SLC6A5: variants seen among roughly 807,000 people sequenced by gnomAD.
SLC6A5 encodes the protein sodium- and chloride-dependent glycine transporter 2.
A neutral mutation model predicts 90.5 loss-of-function variants in SLC6A5; 58 were observed. The ratio of observed to expected loss-of-function variants is 0.64; its 90% CI spans 0.52 to 0.80. SLC6A5 has a LOEUF of 0.80. Ranked by LOEUF, SLC6A5 falls within the 30% of genes least tolerant of loss-of-function variation. The pLI, the probability that SLC6A5 is intolerant of heterozygous loss-of-function variation, is 0.00. For synonymous variants in SLC6A5, 427 were observed against 401.4 expected (o/e 1.06, Z -0.76); for missense variants, 1,015 against 1,017.6 (o/e 1.00, Z 0.03).
At chr11:20,639,081 C>G (rs1032612189) in intron 13 of SLC6A5, among the ~76,000 whole-genome samples, 1 of 152,122 alleles carries the variant, frequency 6.6e-6, no homozygotes, top group East Asian at 1.9e-4. Flanking sequence ...GAATAGACTT[C>G]CAGTTTATCC....
chr11:20,655,267 G>T lies in SLC6A5; in HGVS notation c.*399G>T. On this transcript the variant is annotated 3_prime_UTR_variant, in exon 16 of 16. Transcript: ENST00000525748. The stretch of plus-strand genomic sequence containing the variant: ...TGGCCGAATTACAAGACTTTATTTG[G>T]ACTTGAACAGAACTGAGCAATGTGG... 3.1e-6 allele frequency: 1 copy of T among 323,080 alleles called. No homozygotes were observed. The allele number at this position is 323,080 out of a possible 1,614,324, so 20.0% of individuals were successfully genotyped here. A position where few individuals can be genotyped will look rare whatever the true frequency, so the allele number is the denominator to read the frequency against.
At chr11:20,631,473 C>T (rs573741260) in intron 10 of SLC6A5, among the ~76,000 whole-genome samples, 4 of 152,316 alleles carry the variant, frequency 2.6e-5, no homozygotes, top group Non-Finnish European at 4.4e-5. Flanking sequence ...TTCAAGTTGA[C>T]AAAGAGCTTT....
At chr11:20,622,434 G>C (rs986618797) in intron 7 of SLC6A5, among the ~76,000 whole-genome samples, 3 of 152,168 alleles carry the variant, frequency 2.0e-5, no homozygotes, top group Non-Finnish European at 4.4e-5. Context: ...GATGCCTCCT[G>C]TCTCACTTGC....
chr11:20,635,361 G>C (rs1391998760), intron 10 of SLC6A5, among the ~76,000 whole-genome samples: 1 of 151,974 alleles, frequency 6.6e-6, no homozygotes, highest in Non-Finnish European at 1.5e-5. Context: ...AACCCTTAGA[G>C]ACTGAACCCT....
chr11:20,602,132 G>T lies in SLC6A5; in HGVS notation c.540+467G>T, dbSNP rs540746201. On this transcript the variant is annotated intron_variant, in intron 2 of 15. Transcript: ENST00000525748. ...GTTTAAGTTTTGTAGCCTTTACACT[G>T]CCAGTTACCTTTATTACATGAGAAC... is the stretch of plus-strand genomic sequence containing the variant. Among the ~76,000 whole-genome samples the T allele has an allele frequency of 4.6e-5, 7 of 152,346 alleles. No individual in the cohort carries two copies. In the East Asian group the frequency reaches 1.3e-3, roughly 29 times the overall value.
chr11:20,654,872 A>G lies in SLC6A5; in HGVS notation c.*4A>G, dbSNP rs746349954. The G allele has an allele frequency of 1.2e-6, 2 of 1,614,078 alleles. No individual in the cohort carries two copies. The highest frequency in any genetic ancestry group is 1.7e-6 in the Non-Finnish European group (2 of 1,179,906). On this transcript the variant is annotated 3_prime_UTR_variant, in exon 16 of 16. Transcript: ENST00000525748. The stretch of plus-strand genomic sequence containing the variant: ...GGAACTGGGCACTCAGTGCTAGTCC[A>G]GTGGTGTGGGATGGTCCAGACTTGA...
chr11:20,643,490 A>G (rs1369482219), intron 13 of SLC6A5, among the ~76,000 whole-genome samples: 3 of 152,178 alleles, frequency 2.0e-5, no homozygotes, highest in Non-Finnish European at 4.4e-5. Context: ...TCCTTGCGTC[A>G]TGGATTGACC....
In SLC6A5 at chr11:20,604,002, G is replaced by A. The variant is rs55917286; in HGVS notation, c.541-284G>A. ...AGCTGCTTGCTGGTGCGCCCTGACT[G>A]TATGATCTGGGAAAGAGGGGTTTTG... is the stretch of plus-strand genomic sequence containing the variant. On this transcript the variant is annotated intron_variant, in intron 2 of 15. Coordinates refer to ENST00000525748, the MANE Select transcript of SLC6A5 (RefSeq NM_004211.5). Among the ~76,000 whole-genome samples, 41,707 of 151,976 alleles carry A rather than the reference G, an allele frequency of 0.27. 5,922 individuals are homozygous for A. The highest frequency in any genetic ancestry group is 0.38 in the South Asian group (1,827 of 4,810).
chr11:20,638,871 G>T (rs929319220), intron 13 of SLC6A5, among the ~76,000 whole-genome samples: 1 of 152,194 alleles, frequency 6.6e-6, no homozygotes, highest in African/African-American at 2.4e-5. Flanking sequence ...GGCCAGATCA[G>T]AAAGGAGGAG....
At chr11:20,644,021 C>T (rs1456562817) in intron 13 of SLC6A5, among the ~76,000 whole-genome samples, 4 of 152,080 alleles carry the variant, frequency 2.6e-5, no homozygotes, top group Non-Finnish European at 4.4e-5. Context: ...GTACAATGTA[C>T]ATACATGATA....
intron 7 of SLC6A5, among the ~76,000 whole-genome samples, chr11:20,621,348 G>T (rs1031555465): frequency 4.6e-5 from 7 of 152,160 alleles, no homozygotes; most frequent in Admixed American, 6.5e-5. Context: ...TATTCTCTAG[G>T]ATTCTTTTTA....
chr11:20,609,554 A>G (rs1053621727), intron 5 of SLC6A5, among the ~76,000 whole-genome samples: 5 of 152,176 alleles, frequency 3.3e-5, no homozygotes, highest in African/African-American at 1.2e-4. Context: ...AAATGGTCAT[A>G]TTGAGCAAGC....
rs1460494669 is a variant in SLC6A5, at chr11:20,601,552, C to T, written c.427C>T (p.Arg143Trp). 1 of 1,614,038 alleles carries T rather than the reference C, an allele frequency of 6.2e-7. No homozygotes were observed. The highest frequency in any genetic ancestry group is 1.3e-5 in the African/African-American group (1 of 74,924). ...GAGTGTGGGCAAGGGCACCCTGGAG[C>T]GGAACAATACCCCTGTTGTGGGCTG... ...NVSVGKGTLE[R>W]NNTPVVGWVN... Residue 143 changes from arginine to tryptophan, a missense_variant, in exon 2 of 16, where the codon CGG (arginine) becomes TGG (tryptophan). Around this residue, in one of 3 missense-constraint regions of SLC6A5, gnomAD observed 567 missense variants for 507.3 expected, o/e 1.12. Coordinates refer to ENST00000525748, the MANE Select transcript of SLC6A5 (RefSeq NM_004211.5).
At chr11:20,636,445 A>C (rs1269918763) in intron 11 of SLC6A5, 26 bp downstream of exon 11, 1 of 1,415,438 alleles carries the variant, frequency 7.1e-7, no homozygotes, top group Non-Finnish European at 1.0e-6. Context: ...ATCAGTCTCT[A>C]TCCCATGCTC....
chr11:20,631,805 A>G (rs956917304), intron 10 of SLC6A5, among the ~76,000 whole-genome samples: 3 of 152,180 alleles, frequency 2.0e-5, no homozygotes, highest in Non-Finnish European at 4.4e-5. Context: ...GCTGACTGCA[A>G]TTCTCAGATA....
At chr11:20,630,855 C>T in intron 10 of SLC6A5, 40 bp downstream of exon 10, 1 of 1,611,452 alleles carries the variant, frequency 6.2e-7, no homozygotes, top group Middle Eastern at 1.7e-4. Context: ...AGGGCAGGTC[C>T]CAGGCTCATG....
intron 7 of SLC6A5, among the ~76,000 whole-genome samples, chr11:20,618,911 T>C (rs1176008126): frequency 6.8e-6 from 1 of 146,950 alleles, no homozygotes; most frequent in East Asian, 2.0e-4. Flanking sequence ...CACTTCAGAG[T>C]GACAGGGTGA....
chr11:20,617,218 A>G (rs1852798840), intron 6 of SLC6A5, among the ~76,000 whole-genome samples: 1 of 152,198 alleles, frequency 6.6e-6, no homozygotes, highest in Non-Finnish European at 1.5e-5. Context: ...CTGCTTTTAT[A>G]ATTAAGCCAA....
At chr11:20,601,690 C>T (rs1444576079) in intron 2 of SLC6A5, 25 bp downstream of exon 2, 1 of 1,607,030 alleles carries the variant, frequency 6.2e-7, no homozygotes, top group Non-Finnish European at 8.5e-7. Flanking sequence ...TTACGGCCCG[C>T]ACAGTGTCCT....
Sources: allele counts gnomAD v4.1 joint callset (sites outside exome capture counted in the v4.1 genomes callset), GRCh38; gene constraint gnomAD v4.1.1; regional missense constraint gnomAD v4.1.1; transcripts MANE v1.5; gene names NCBI Gene and HGNC (gene_info 2026-07-23, HGNC 2026-07-21).